Variants in TEX9 observed in about 807,000 individuals in gnomAD.
The protein encoded by TEX9 is testis-expressed protein 9.
In TEX9, 74 loss-of-function variants were observed where a neutral mutation model predicts 59.6. The observed-to-expected ratio is 1.24, with a 90% CI of 1.03 to 1.51. The LOEUF is 1.51. Among genes scored for constraint, TEX9 ranks in the 40% most tolerant of loss-of-function variants. The pLI, the probability that TEX9 is intolerant of heterozygous loss-of-function variation, is 0.00. For synonymous variants in TEX9, 186 were observed against 152.2 expected (o/e 1.22, Z -1.64); for missense variants, 522 against 447.8 (o/e 1.17, Z -1.49).
chr15:56,284,144 G>A (rs2044884923), intron 1 of TEX9, among the ~76,000 whole-genome samples: 1 of 142,908 alleles, frequency 7.0e-6, no homozygotes, highest in Non-Finnish European at 1.5e-5. Flanking sequence ...TTTTGACCTA[G>A]TAATTACACT....
chr15:56,456,347 T>A, the TEX9 span: 1 of 1,548,490 alleles, frequency 6.5e-7, no homozygotes. Flanking sequence ...TACATAAGAG[T>A]TTAAAGATAA....
At chr15:56,388,569 G>T (rs757388038) in intron 5 of TEX9, 49 bp downstream of exon 5, 1 of 1,524,834 alleles carries the variant, frequency 6.6e-7, no homozygotes. Context: ...GTAGAACTCC[G>T]GATATTTTTT....
chr15:56,271,272 C>A (rs551251575), intron 1 of TEX9, among the ~76,000 whole-genome samples: 42 of 152,124 alleles, frequency 2.8e-4, no homozygotes, highest in Admixed American at 7.9e-4. Flanking sequence ...TCAGGTATAC[C>A]AATCAAACGT....
At chr15:56,323,209 A>G (rs2045941715) in intron 1 of TEX9, 1 of 217,574 alleles carries the variant, frequency 4.6e-6, no homozygotes, top group Non-Finnish European at 9.8e-6. Flanking sequence ...AAAGCAGCCA[A>G]TGCTTCAGTC....
At chr15:56,333,931 A>C (rs60648061) in intron 1 of TEX9, among the ~76,000 whole-genome samples, 45,437 of 151,928 alleles carry the variant, frequency 0.3, 7,690 homozygotes, top group Middle Eastern at 0.47. Context: ...GCTACAAATA[A>C]AATTAAATAC....
At chr15:56,247,355 T>C (rs2043883978) in intron 1 of TEX9, among the ~76,000 whole-genome samples, 1 of 152,098 alleles carries the variant, frequency 6.6e-6, no homozygotes, top group Admixed American at 6.5e-5. Flanking sequence ...TATCCACTAG[T>C]GTTGTGGAGT....
chr15:56,316,418 C>T (rs1173487917), intron 1 of TEX9, among the ~76,000 whole-genome samples: 3 of 95,462 alleles, frequency 3.1e-5, no homozygotes, highest in Non-Finnish European at 4.4e-5. Context: ...CCGTGTGAGG[C>T]GTCAGTGTGC....
chr15:56,400,777 G>A (rs1247460214), intron 9 of TEX9, among the ~76,000 whole-genome samples: 3 of 152,144 alleles, frequency 2.0e-5, no homozygotes, highest in African/African-American at 4.8e-5. Context: ...TCAGACTAAC[G>A]GGAGATCTCT....
At chr15:56,356,078 T>C (rs1273822598) in intron 1 of TEX9, among the ~76,000 whole-genome samples, 1 of 152,156 alleles carries the variant, frequency 6.6e-6, no homozygotes, top group Non-Finnish European at 1.5e-5. Flanking sequence ...TGATGTCATC[T>C]ATGAACAAAA....
rs1468089301 is a variant in TEX9, at chr15:56,431,637, A to C, written c.*29+3164A>C. The C allele has an allele frequency of 6.7e-6, 4 of 595,434 alleles. No individual in the cohort carries two copies. The Admixed American group carries it at 1.2e-4, about 17-fold the overall frequency. The allele number at this position is 595,434 out of a possible 1,614,324, so 36.9% of individuals were successfully genotyped here. On this transcript the variant is annotated intron_variant, in intron 12 of 12. Transcript: ENST00000352903. ...CTAAGTTCAAAAGATTCTAGATAAT[A>C]TATATTTTTAAAATATATATTTTAT...
chr15:56,357,559 G>A (rs1006456005), intron 1 of TEX9, among the ~76,000 whole-genome samples: 37 of 151,894 alleles, frequency 2.4e-4, no homozygotes, highest in African/African-American at 8.0e-4. Context: ...CTTGAAATCC[G>A]ATTTTTTTAT....
chr15:56,303,181 A>G (rs1349613118), intron 1 of TEX9, among the ~76,000 whole-genome samples: 1 of 152,166 alleles, frequency 6.6e-6, no homozygotes, highest in Non-Finnish European at 1.5e-5. Flanking sequence ...GAAACATTGG[A>G]CTTGATCTGT....
intron 1 of TEX9, among the ~76,000 whole-genome samples, chr15:56,354,092 A>G (rs190440880): frequency 6.6e-6 from 1 of 152,208 alleles, no homozygotes; most frequent in African/African-American, 2.4e-5. Context: ...CCAGGCTAAC[A>G]TGTTAGTAGA....
At chr15:56,365,620 G>T (rs759651118) in exon 2 of TEX9, 12 of 1,614,052 alleles carry the variant, frequency 7.4e-6, no homozygotes, top group Non-Finnish European at 1.0e-5. Context: ...CACCCGTTCA[G>T]CAACCCTCTA....
At chr15:56,391,333 CAAA>C in exon 7 of TEX9, 2 of 1,605,006 alleles carry the variant, frequency 1.2e-6, no homozygotes, top group Non-Finnish European at 1.7e-6. Flanking sequence ...AAACAATTAG[CAAA>C]ATTGAAGGGC....
chr15:56,455,525 A>C, the TEX9 span, among the ~76,000 whole-genome samples: 31 of 152,194 alleles, frequency 2.0e-4, no homozygotes, highest in Non-Finnish European at 3.1e-4. Flanking sequence ...CGTCCTGCTC[A>C]ATTAAGATAA....
intron 10 of TEX9, among the ~76,000 whole-genome samples, chr15:56,423,428 T>C (rs1169709151): frequency 6.6e-6 from 1 of 152,184 alleles, no homozygotes; most frequent in African/African-American, 2.4e-5. Context: ...TCAACTGTGA[T>C]TGGAAAATAT....
At chr15:56,369,207 A>G (rs1316650852) in intron 2 of TEX9, among the ~76,000 whole-genome samples, 1 of 151,974 alleles carries the variant, frequency 6.6e-6, no homozygotes, top group Non-Finnish European at 1.5e-5. Flanking sequence ...CTGAGTATGT[A>G]TGTGACAAGG....
intron 10 of TEX9, among the ~76,000 whole-genome samples, chr15:56,424,858 G>T (rs779870575): frequency 2.0e-4 from 30 of 152,062 alleles, no homozygotes; most frequent in Middle Eastern, 3.2e-3. Flanking sequence ...TTTCATATTT[G>T]CATATAGCTT....
Sources: gnomAD v4.1 joint callset for allele counts (sites outside exome capture counted in the v4.1 genomes callset) on GRCh38, gnomAD v4.1.1 for gene constraint, MANE v1.5 for transcripts, NCBI Gene and HGNC (gene_info 2026-07-23, HGNC 2026-07-21) for gene names.